Variants in HRH1 observed in about 807,000 individuals in gnomAD.
HRH1 encodes histamine receptor H1, also known as histamine H1 receptor.
A neutral mutation model predicts 10.3 loss-of-function variants in HRH1; 6 were observed. That is an observed-to-expected ratio of 0.58 (90% CI 0.32 to 1.15). The LOEUF (loss-of-function observed/expected upper bound fraction) is 1.15, where lower values mean the gene tolerates loss of function less well. Ranked by LOEUF, HRH1 falls within the 50% of genes most tolerant of loss-of-function variation. HRH1 has a pLI of 0.05. For synonymous variants in HRH1, 242 were observed against 236.7 expected (o/e 1.02, Z -0.21); for missense variants, 514 against 615.3 (o/e 0.84, Z 1.74).
At chr3:11,169,417 G>A (rs1422105082) in intron 1 of HRH1, among the ~76,000 whole-genome samples, 2 of 152,162 alleles carry the variant, frequency 1.3e-5, no homozygotes, top group Non-Finnish European at 2.9e-5. Flanking sequence ...GGAAGTAGGA[G>A]AGGTCTGGAG....
Position 11,259,255 on chromosome 3 carries a change from A to G in HRH1, c.218A>G (p.Asp73Gly). Residue 73 changes from aspartate to glycine, a missense_variant, in exon 2 of 2, where the codon GAC (aspartate) becomes GGC (glycine). Coordinates refer to ENST00000431010, the MANE Select transcript of HRH1 (RefSeq NM_001098212.2). This position sits in a 1 kb window ranked among gnomAD's most constrained non-coding sequence, Gnocchi z 4.6. ...NLYIVSLSVA[D>G]LIVGAVVMPM... Reference sequence around the variant, plus strand: ...TACATCGTCAGCCTCTCGGTGGCGGACTTGATCGTGGGTGCCGTCGTCATG... The same window carrying G: ...TACATCGTCAGCCTCTCGGTGGCGGGCTTGATCGTGGGTGCCGTCGTCATG... 6.2e-7 allele frequency: 1 copy of G among 1,601,896 alleles called. No individual in the cohort carries two copies. The highest frequency in any genetic ancestry group is 1.1e-5 in the South Asian group (1 of 90,192).
chr3:11,199,161 G>A (rs1937800417), intron 1 of HRH1, among the ~76,000 whole-genome samples: 1 of 152,044 alleles, frequency 6.6e-6, no homozygotes, highest in Non-Finnish European at 1.5e-5. Flanking sequence ...GGCTGGTCTT[G>A]AACTCCTGGA....
intron 1 of HRH1, among the ~76,000 whole-genome samples, chr3:11,188,786 T>G (rs1043382020): frequency 6.6e-6 from 1 of 152,118 alleles, no homozygotes; most frequent in South Asian, 2.1e-4. Context: ...TCGTGTTTAG[T>G]GAAAAGTAGA....
chr3:11,202,658 G>A (rs1010839749), intron 1 of HRH1, among the ~76,000 whole-genome samples: 1 of 152,090 alleles, frequency 6.6e-6, no homozygotes, highest in Non-Finnish European at 1.5e-5. Flanking sequence ...AAGATATAGA[G>A]ATTTACATGT....
chr3:11,142,930 T>C (rs1411763809), intron 1 of HRH1, among the ~76,000 whole-genome samples: 1 of 149,984 alleles, frequency 6.7e-6, no homozygotes, highest in Non-Finnish European at 1.5e-5. Flanking sequence ...AAAAAAAAGA[T>C]TGAATGATGA....
In HRH1 at chr3:11,198,901, TATAC is replaced by T. The variant is rs766445932; in HGVS notation, c.-36+44349_-36+44352del. On this transcript the variant is annotated intron_variant, in intron 1 of 1. Transcript: ENST00000431010. ...GTGTATTGTAAACTCTCTCTCTCTT[TATAC>T]ACACACACACACACACACACACATT... 5.9e-4 allele frequency among the ~76,000 whole-genome samples: 51 copies of T among 86,084 alleles called. No individual in the cohort carries two copies. The East Asian group carries it at 8.7e-3, about 15-fold the overall frequency. The allele number at this position is 86,084 out of a possible 152,430, so 56.5% of individuals were successfully genotyped here.
chr3:11,167,089 C>T (rs1937057078), intron 1 of HRH1, among the ~76,000 whole-genome samples: 1 of 150,258 alleles, frequency 6.7e-6, no homozygotes, highest in Non-Finnish European at 1.5e-5. Flanking sequence ...ATTCTCCAGG[C>T]CTGTGACATC....
intron 1 of HRH1, among the ~76,000 whole-genome samples, chr3:11,187,643 T>A (rs1199724210): frequency 6.6e-6 from 1 of 152,154 alleles, no homozygotes; most frequent in African/African-American, 2.4e-5. Context: ...TTTGGCAAAC[T>A]TATGCATGCA....
intron 1 of HRH1, among the ~76,000 whole-genome samples, chr3:11,158,247 T>TTAACTTTTCTCCCACCCTTGGAC (rs1456576589): frequency 3.3e-5 from 5 of 152,202 alleles, no homozygotes; most frequent in Non-Finnish European, 7.3e-5. Flanking sequence ...TCTGGGACAT[T>TTAACTTTTCTCCCACCCTTGGAC]TAACTTTTCT....
rs538407622 is a variant in HRH1, at chr3:11,228,384, C to A, written c.-35-30619C>A. Among the ~76,000 whole-genome samples, 12 of 152,182 alleles carry A rather than the reference C, an allele frequency of 7.9e-5. No individual in the cohort carries two copies. In the South Asian group the frequency reaches 2.5e-3, roughly 32 times the overall value. ...CAACAGAACGAGAACCTGTCTCTAA[C>A]AAAATTTTTTTTTTTAATCCTGAAA... On this transcript the variant is annotated intron_variant, in intron 1 of 1. Transcript: ENST00000431010.
intron 1 of HRH1, among the ~76,000 whole-genome samples, chr3:11,225,516 T>G (rs1393886522): frequency 1.3e-5 from 2 of 152,196 alleles, no homozygotes; most frequent in Non-Finnish European, 2.9e-5. Flanking sequence ...TTTGGAGCAC[T>G]CAGTGACGGG....
rs550695010 is a variant in HRH1 at position 11,257,282 on chromosome 3, G to A, written c.-35-1721G>A. 9.5e-4 allele frequency among the ~76,000 whole-genome samples: 142 copies of A among 149,250 alleles called. 1 individual carries two copies. Among genetic ancestry groups the A allele is most frequent in the African/African-American group, 3.1e-3 (126 of 40,550 alleles). On this transcript the variant is annotated intron_variant, in intron 1 of 1. Coordinates refer to ENST00000431010, the MANE Select transcript of HRH1 (RefSeq NM_001098212.2). ...AAAAAAAAAAAAAAAATGGCTGGGC[G>A]TGGTGCCTCATGCCTGTAATCCCAG...
chr3:11,179,156 C>T (rs943685877), intron 1 of HRH1, among the ~76,000 whole-genome samples: 7 of 152,058 alleles, frequency 4.6e-5, no homozygotes, highest in Admixed American at 6.6e-5. Context: ...GGCGTGGTGG[C>T]GCACGCCTAT....
chr3:11,156,807 C>T (rs570328137), intron 1 of HRH1, among the ~76,000 whole-genome samples: 3 of 152,230 alleles, frequency 2.0e-5, no homozygotes, highest in Middle Eastern at 3.2e-3. Context: ...AATCCCAGCT[C>T]TGTATCCTTT....
At position 11,231,669 on chromosome 3, in the gene HRH1, A is replaced by G. The variant is rs558479891; in HGVS notation, c.-35-27334A>G. 1.8e-4 allele frequency among the ~76,000 whole-genome samples: 28 copies of G among 152,046 alleles called. 1 individual carries two copies. The South Asian group carries it at 5.4e-3, about 29-fold the overall frequency. On this transcript the variant is annotated intron_variant, in intron 1 of 1. Transcript: ENST00000431010. ...AAATGTTTCCTCATATCATTTGCCC[A>G]TTTTCTCATTGGATTGTCTGCTTTT...
chr3:11,153,626 T>C (rs1393706910), upstream of HRH1, among the ~76,000 whole-genome samples: 4 of 151,904 alleles, frequency 2.6e-5, no homozygotes, highest in African/African-American at 9.7e-5. Context: ...CAAATGGAGT[T>C]TTCCCGGCGC....
chr3:11,256,832 C>T (rs17034206), intron 1 of HRH1, among the ~76,000 whole-genome samples: 2,187 of 152,200 alleles, frequency 0.014, 57 homozygotes, highest in African/African-American at 0.05. Flanking sequence ...GCCTTCTACT[C>T]AAGAACTTAT....
intron 1 of HRH1, among the ~76,000 whole-genome samples, chr3:11,240,553 T>G (rs1939305461): frequency 6.6e-6 from 1 of 152,098 alleles, no homozygotes; most frequent in African/African-American, 2.4e-5. Flanking sequence ...TCTTTGCACA[T>G]GTACCTCCAC....
intron 1 of HRH1, among the ~76,000 whole-genome samples, chr3:11,211,687 A>G (rs1404874423): frequency 6.6e-6 from 1 of 152,206 alleles, no homozygotes; most frequent in East Asian, 1.9e-4. Context: ...TGGAATGGAC[A>G]GGGGCAAGGA....
Sources: allele counts gnomAD v4.1 joint callset (sites outside exome capture counted in the v4.1 genomes callset), GRCh38; gene constraint gnomAD v4.1.1; non-coding constraint Gnocchi (gnomAD v3.1); transcripts MANE v1.5; gene names NCBI Gene and HGNC (gene_info 2026-07-23, HGNC 2026-07-21).